Variants in PITHD1 observed in about 807,000 individuals in gnomAD.
The protein encoded by PITHD1 is PITH domain-containing protein 1.
PITHD1 carries 8 observed loss-of-function variants against 27.5 expected under a neutral mutation model. The observed-to-expected ratio is 0.29, with a 90% CI of 0.17 to 0.52. PITHD1 has a LOEUF of 0.52. Among genes scored for constraint, PITHD1 ranks in the 20% least tolerant of loss-of-function variants. The pLI, the probability that PITHD1 is intolerant of heterozygous loss-of-function variation, is 0.96. For synonymous variants in PITHD1, 118 were observed against 106.8 expected (o/e 1.10, Z -0.64); for missense variants, 233 against 283.9 (o/e 0.82, Z 1.29).
At position 23,778,461 on chromosome 1, in the gene PITHD1, G is replaced by T; in HGVS notation, c.-55G>T. The T allele has an allele frequency of 8.0e-7, 1 of 1,252,240 alleles. No individual in the cohort carries two copies. Among genetic ancestry groups the T allele is most frequent in the South Asian group, 2.1e-5 (1 of 47,080 alleles). 77.6% of individuals were successfully genotyped at this position (1,252,240 alleles called of 1,614,324 possible). A position where few individuals can be genotyped will look rare whatever the true frequency, so the allele number is the denominator to read the frequency against. ...GCGCGGAGCTGGTCTGAGGCGAGCC[G>T]AGCCGAGCGAGCGCGGCGGTGGGGC... On this transcript the variant is annotated 5_prime_UTR_variant, in exon 1 of 6. Transcript: ENST00000246151.
chr1:23,783,368 T>C (rs191958001), intron 3 of PITHD1, among the ~76,000 whole-genome samples: 114 of 137,726 alleles, frequency 8.3e-4, no homozygotes, highest in African/African-American at 2.6e-3. Context: ...CATATATATA[T>C]ACACATATAT....
At chr1:23,785,646 C>G in intron 3 of PITHD1, 29 bp from the exon 4 acceptor site, 1 of 1,426,050 alleles carries the variant, frequency 7.0e-7, no homozygotes, top group Non-Finnish European at 9.9e-7. Flanking sequence ...ATGCACATTT[C>G]TTGACTTTTC....
chr1:23,787,321 A>G lies in PITHD1; in HGVS notation c.581A>G (p.Asn194Ser). The G allele has an allele frequency of 6.2e-7, 1 of 1,613,764 alleles. No homozygotes were observed. The highest frequency in any genetic ancestry group is 8.5e-7 in the Non-Finnish European group (1 of 1,179,708). ...ATCTGCAATTACGAAGCATCTGCCA[A>G]CCCAGCAGACCATAGGGTCCATCAG... Reference protein sequence around the residue: ...VTICNYEASANPADHRVHQVT... With the variant: ...VTICNYEASASPADHRVHQVT... Residue 194 changes from asparagine (N) to serine (S), a missense_variant, in exon 6 of 6, where the codon AAC becomes AGC. Transcript: ENST00000246151.
At position 23,787,340 on chromosome 1, in the gene PITHD1, C is replaced by T. The variant is rs370497554; in HGVS notation, c.600C>T (p.Val200=). 1 of 1,611,774 alleles carries T rather than the reference C, an allele frequency of 6.2e-7. No homozygotes were observed. Among genetic ancestry groups the T allele is most frequent in the Non-Finnish European group, 8.5e-7 (1 of 1,177,988 alleles). The part of the protein sequence containing the change: ...EASANPADHR[V]HQVTPQTHFI... ...CTGCCAACCCAGCAGACCATAGGGT[C>T]CATCAGGTTACCCCACAGACACACT... The change falls in exon 6 of 6, where the codon GTC becomes GTT. Residue 200 remains valine (V), a synonymous_variant. Transcript: ENST00000246151.
intron 4 of PITHD1, among the ~76,000 whole-genome samples, 186 bp from the exon 5 acceptor site, chr1:23,786,129 G>A (rs947210724): frequency 2.6e-5 from 4 of 152,204 alleles, no homozygotes; most frequent in Non-Finnish European, 4.4e-5. Context: ...GCCTTGGACA[G>A]GATCTGGCAG....
In PITHD1 at chr1:23,780,333, T is replaced by C. The variant is rs115220254; in HGVS notation, c.320+392T>C. ...GCTATTTCATACAGTAATGATCTTA[T>C]GTGTTTTGTTGACATGGAATTGCTC... On this transcript the variant is annotated intron_variant, in intron 3 of 5. Transcript: ENST00000246151. 9.4e-3 allele frequency among the ~76,000 whole-genome samples: 1,426 copies of C among 152,350 alleles called. 22 individuals carry two copies. Among genetic ancestry groups the C allele is most frequent in the Admixed American group, 0.043 (653 of 15,294 alleles).
In PITHD1 at chr1:23,785,722, C is replaced by T; in HGVS notation, c.368C>T (p.Pro123Leu). 3.7e-6 allele frequency: 6 copies of T among 1,610,918 alleles called. No homozygotes were observed. Among genetic ancestry groups the T allele is most frequent in the Non-Finnish European group, 5.1e-6 (6 of 1,177,150 alleles). Residue 123 changes from proline to leucine, a missense_variant, in exon 4 of 6, where the codon CCA (proline) becomes CTA (leucine). Coordinates refer to ENST00000246151, the MANE Select transcript of PITHD1 (RefSeq NM_020362.5). ...QMSFDDTERE[P>L]DQTFSLNRDL... ...TCCTTTGATGATACAGAAAGGGAGC[C>T]AGATCAGACCTTTAGTCTGAACCGG...
intron 3 of PITHD1, among the ~76,000 whole-genome samples, chr1:23,781,884 G>T (rs1638605465): frequency 6.6e-6 from 1 of 152,122 alleles, no homozygotes; most frequent in Non-Finnish European, 1.5e-5. Context: ...CTGGAACACA[G>T]TAAGTGTCCA....
intron 3 of PITHD1, among the ~76,000 whole-genome samples, chr1:23,783,332 T>TA (rs1480497121): frequency 1.3e-5 from 2 of 148,264 alleles, no homozygotes; most frequent in Non-Finnish European, 3.0e-5. Context: ...TATATACACA[T>TA]ATATGTGTAT....
At chr1:23,779,789 G>A in intron 2 of PITHD1, 75 bp from the exon 3 acceptor site, 2 of 1,072,882 alleles carry the variant, frequency 1.9e-6, no homozygotes, top group South Asian at 2.5e-5. Flanking sequence ...CAGGGGAAGG[G>A]TCTTGCCCAG....
rs780761899 is a variant in PITHD1, at chr1:23,778,481, TG to T, written c.-31del. On this transcript the variant is annotated 5_prime_UTR_variant, in exon 1 of 6. Transcript: ENST00000246151. ...GAGCCGAGCCGAGCGAGCGCGGCGG[TG>T]GGGCCGAGAGGACGCGCAGGTGGCG... is the stretch of plus-strand genomic sequence containing the variant. 4 of 1,322,764 alleles carry T rather than the reference TG, an allele frequency of 3.0e-6. No homozygotes were observed. In the South Asian group the frequency reaches 5.9e-5, roughly 19 times the overall value. 81.9% of individuals were successfully genotyped at this position (1,322,764 alleles called of 1,614,324 possible).
At position 23,778,599 on chromosome 1, in the gene PITHD1, C is replaced by CT. The variant is rs1638545768; in HGVS notation, c.85dup (p.Tyr29LeufsTer16). 7.5e-7 allele frequency: 1 copy of CT among 1,330,108 alleles called. No homozygotes were observed. The highest frequency in any genetic ancestry group is 1.5e-5 in the African/African-American group (1 of 65,234). 82.4% of individuals were successfully genotyped at this position (1,330,108 alleles called of 1,614,324 possible). ...AGCCGCCCGAGCAGCGCGGCCTGGC[C>CT]TACGGCCTGTACCTGCGCATCGACC... is the stretch of plus-strand genomic sequence containing the variant. On this transcript the variant is annotated frameshift_variant, in exon 1 of 6. Coordinates refer to ENST00000246151, the MANE Select transcript of PITHD1 (RefSeq NM_020362.5). LOFTEE classifies it high-confidence loss of function.
At chr1:23,782,392 ATGTGTGACAG>A (rs1279137614) in intron 3 of PITHD1, among the ~76,000 whole-genome samples, 5 of 151,362 alleles carry the variant, frequency 3.3e-5, no homozygotes, top group African/African-American at 1.2e-4. Flanking sequence ...GCACTCCAAC[ATGTGTGACAG>A]TGCAAGACTC....
chr1:23,785,406 T>A, intron 3 of PITHD1: 1 of 245,292 alleles, frequency 4.1e-6, no homozygotes, highest in South Asian at 4.8e-5. Context: ...GGCATGAGAG[T>A]CACTTGAACC....
chr1:23,783,517 T>C (rs942450938), intron 3 of PITHD1, among the ~76,000 whole-genome samples: 8 of 151,480 alleles, frequency 5.3e-5, no homozygotes, highest in African/African-American at 1.9e-4. Context: ...AGTGGCCCAA[T>C]CTTGGCTCAC....
In PITHD1 at chr1:23,779,002, A is replaced by G. The variant is rs970193826; in HGVS notation, c.198+289A>G. ...GGATGGTCGTGAGGGCCGTTGGACC[A>G]TTGGTGCTAATGGCTGCCTCATCAT... On this transcript the variant is annotated intron_variant, in intron 1 of 5. Coordinates refer to ENST00000246151, the MANE Select transcript of PITHD1 (RefSeq NM_020362.5). Among the ~76,000 whole-genome samples, 6 of 152,276 alleles carry G rather than the reference A, an allele frequency of 3.9e-5. No individual in the cohort carries two copies. In the South Asian group the frequency reaches 1.2e-3, roughly 32 times the overall value.
Position 23,787,421 on chromosome 1 carries a change from T to A in PITHD1, c.*45T>A. 1 of 1,070,968 alleles carries A rather than the reference T, an allele frequency of 9.3e-7. No homozygotes were observed. Among genetic ancestry groups the A allele is most frequent in the Non-Finnish European group, 1.4e-6 (1 of 691,104 alleles). 66.3% of individuals were successfully genotyped at this position (1,070,968 alleles called of 1,614,324 possible). On this transcript the variant is annotated 3_prime_UTR_variant, in exon 6 of 6. Coordinates refer to ENST00000246151, the MANE Select transcript of PITHD1 (RefSeq NM_020362.5). ...TAGAGGCGCTGTGTCAGTGAAGATG[T>A]ACGACTACCTGTTGGGAAGGACAAA... is the stretch of plus-strand genomic sequence containing the variant.
In PITHD1 at chr1:23,778,608, G is replaced by C. The variant is rs1350317946; in HGVS notation, c.93G>C (p.Leu31=). 2 of 1,334,058 alleles carry C rather than the reference G, an allele frequency of 1.5e-6. No homozygotes were observed. The highest frequency in any genetic ancestry group is 6.1e-5 in the East Asian group (2 of 32,686). The allele number at this position is 1,334,058 out of a possible 1,614,324, so 82.6% of individuals were successfully genotyped here. A position where few individuals can be genotyped will look rare whatever the true frequency, so the allele number is the denominator to read the frequency against. The change falls in exon 1 of 6, where the codon CTG becomes CTC. Residue 31 remains leucine (L), a synonymous_variant. Transcript: ENST00000246151. The part of the protein sequence containing the change: ...PPEQRGLAYG[L]YLRIDLERLQ... ...AGCAGCGCGGCCTGGCCTACGGCCT[G>C]TACCTGCGCATCGACCTGGAGCGGC... is the stretch of plus-strand genomic sequence containing the variant.
intron 3 of PITHD1, among the ~76,000 whole-genome samples, 179 bp from the exon 4 acceptor site, chr1:23,785,492 CAAAA>C (rs559942160): frequency 5.0e-5 from 3 of 59,990 alleles, no homozygotes; most frequent in Admixed American, 1.8e-4. Context: ...GACTCTGTCT[CAAAA>C]AAAAAAAAAA....
Sources: gnomAD v4.1 joint callset for allele counts (sites outside exome capture counted in the v4.1 genomes callset) on GRCh38, gnomAD v4.1.1 for gene constraint, MANE v1.5 for transcripts, NCBI Gene and HGNC (gene_info 2026-07-23, HGNC 2026-07-21) for gene names.